The following ROR1 variants were observed in gnomAD, a reference collection of about 807,000 sequenced individuals.
ROR1 encodes inactive tyrosine-protein kinase transmembrane receptor ROR1.
A neutral mutation model predicts 78.8 loss-of-function variants in ROR1; 19 were observed. The ratio of observed to expected loss-of-function variants is 0.24; its 90% CI spans 0.17 to 0.35. The LOEUF (loss-of-function observed/expected upper bound fraction) is 0.35. ROR1 is among the 10% of genes least tolerant of loss of function. ROR1 has a pLI of 1.00. For synonymous variants in ROR1, 386 were observed against 433.6 expected (o/e 0.89, Z 1.36); for missense variants, 917 against 1,177.8 (o/e 0.78, Z 3.24).
chr1:63,976,462 C>T (rs908845458), intron 1 of ROR1, among the ~76,000 whole-genome samples: 18 of 152,128 alleles, frequency 1.2e-4, no homozygotes, highest in African/African-American at 4.3e-4. Context: ...CAATATTGCT[C>T]CAGGTAATGC....
chr1:64,050,521 T>A (rs1646820232), intron 3 of ROR1, among the ~76,000 whole-genome samples, 165 bp from the exon 4 acceptor site: 1 of 151,706 alleles, frequency 6.6e-6, no homozygotes, highest in Non-Finnish European at 1.5e-5. Flanking sequence ...TTTTTTTTTT[T>A]CATAGAGATG....
At chr1:64,050,600 T>C (rs546666293) in intron 3 of ROR1, 86 bp from the exon 4 acceptor site, 1 of 1,299,666 alleles carries the variant, frequency 7.7e-7, no homozygotes, top group East Asian at 2.3e-5. Flanking sequence ...TTGAGAACTT[T>C]AATTTGTAAT....
intron 7 of ROR1, among the ~76,000 whole-genome samples, chr1:64,147,824 C>T (rs958226356): frequency 6.6e-6 from 1 of 152,132 alleles, no homozygotes; most frequent in African/African-American, 2.4e-5. Flanking sequence ...TGTTCTACAC[C>T]AGTGATTCTC....
At chr1:63,958,315 G>A (rs986561686) in intron 1 of ROR1, among the ~76,000 whole-genome samples, 3 of 151,840 alleles carry the variant, frequency 2.0e-5, no homozygotes, top group Non-Finnish European at 4.4e-5. Flanking sequence ...TGTGAGTCCC[G>A]CAGATACTCT....
chr1:63,895,664 T>C (rs2100395203), intron 1 of ROR1, among the ~76,000 whole-genome samples: 1 of 152,284 alleles, frequency 6.6e-6, no homozygotes, highest in Admixed American at 6.5e-5. Flanking sequence ...AGGTGCTCTG[T>C]CAATCTCTTC....
chr1:64,066,138 T>C (rs995456337), intron 4 of ROR1, among the ~76,000 whole-genome samples: 7 of 152,186 alleles, frequency 4.6e-5, no homozygotes, highest in African/African-American at 1.7e-4. Flanking sequence ...GTCCTTGTCT[T>C]CTACTCATTA....
intron 1 of ROR1, among the ~76,000 whole-genome samples, chr1:63,900,321 G>A (rs753921007): frequency 2.0e-5 from 3 of 151,982 alleles, no homozygotes; most frequent in Non-Finnish European, 2.9e-5. Flanking sequence ...GGGTATGGTG[G>A]CAGGCACCTG....
At chr1:64,007,741 C>G (rs933193575) in intron 1 of ROR1, among the ~76,000 whole-genome samples, 1 of 152,100 alleles carries the variant, frequency 6.6e-6, no homozygotes, top group Non-Finnish European at 1.5e-5. Flanking sequence ...ACGAATTTCT[C>G]TATTCACAGA....
chr1:64,118,723 G>A (rs1648413632), intron 4 of ROR1, among the ~76,000 whole-genome samples: 1 of 151,462 alleles, frequency 6.6e-6, no homozygotes, highest in African/African-American at 2.4e-5. Flanking sequence ...AAAATGAGGA[G>A]GCTTTTTAGG....
chr1:64,063,628 G>GTCTCTC (rs61262636), intron 4 of ROR1, among the ~76,000 whole-genome samples: 1 of 150,416 alleles, frequency 6.6e-6, no homozygotes, highest in African/African-American at 2.4e-5. Context: ...CTCTTTCTCT[G>GTCTCTC]TCTCTCTCTC....
chr1:63,845,166 A>G (rs1157283351), intron 1 of ROR1, among the ~76,000 whole-genome samples: 1 of 152,120 alleles, frequency 6.6e-6, no homozygotes, highest in Admixed American at 6.6e-5. Flanking sequence ...GGGCTTCTAC[A>G]TATATTTATA....
At chr1:64,065,891 G>A (rs941330456) in intron 4 of ROR1, among the ~76,000 whole-genome samples, 1 of 152,134 alleles carries the variant, frequency 6.6e-6, no homozygotes, top group African/African-American at 2.4e-5. Flanking sequence ...ATTAGTCTGG[G>A]GTCAATTCAG....
intron 1 of ROR1, among the ~76,000 whole-genome samples, chr1:63,995,889 A>G (rs2100527009): frequency 6.6e-6 from 1 of 152,294 alleles, no homozygotes; most frequent in East Asian, 1.9e-4. Flanking sequence ...TAGCCAAAGC[A>G]AGTCTAGATT....
Position 64,020,726 on chromosome 1 carries a change from A to C in ROR1, c.163+11350A>C, listed in dbSNP as rs868498189. ...CTCCTGAGCTTGCAGAAGTTGGTCC[A>C]CAAACAGATTATTTGGGGATAAAGA... On this transcript the variant is annotated intron_variant, in intron 2 of 8. Transcript: ENST00000371079. 2.2e-4 allele frequency among the ~76,000 whole-genome samples: 33 copies of C among 152,284 alleles called. 1 individual carries two copies. The South Asian group carries it at 2.7e-3, about 12-fold the overall frequency.
At chr1:63,863,110 A>C (rs545870443) in intron 1 of ROR1, among the ~76,000 whole-genome samples, 10 of 152,192 alleles carry the variant, frequency 6.6e-5, no homozygotes, top group Non-Finnish European at 1.3e-4. Context: ...CACCAGCAGG[A>C]TGCTTAGTTG....
At chr1:63,861,161 G>A (rs1425924049) in intron 1 of ROR1, among the ~76,000 whole-genome samples, 1 of 152,122 alleles carries the variant, frequency 6.6e-6, no homozygotes. Flanking sequence ...GAGGAATCCG[G>A]GACTGTTGAG....
chr1:63,839,097 A>G (rs1645034580), intron 1 of ROR1, among the ~76,000 whole-genome samples: 1 of 152,224 alleles, frequency 6.6e-6, no homozygotes, highest in African/African-American at 2.4e-5. Flanking sequence ...CTCAGAACAT[A>G]TCTGTTGTTA....
chr1:63,971,410 A>C (rs1293835411), intron 1 of ROR1, among the ~76,000 whole-genome samples: 1 of 152,186 alleles, frequency 6.6e-6, no homozygotes, highest in Non-Finnish European at 1.5e-5. Context: ...CTTTTTGATT[A>C]GTATTTTTGT....
At chr1:64,040,020 G>T (rs1350531931) in intron 2 of ROR1, among the ~76,000 whole-genome samples, 1 of 152,118 alleles carries the variant, frequency 6.6e-6, no homozygotes, top group Non-Finnish European at 1.5e-5. Context: ...AGTAATAGCT[G>T]GTGGTTTTGT....
Sources: allele counts gnomAD v4.1 joint callset (sites outside exome capture counted in the v4.1 genomes callset), GRCh38; gene constraint gnomAD v4.1.1; transcripts MANE v1.5; gene names NCBI Gene and HGNC (gene_info 2026-07-23, HGNC 2026-07-21).